LTBP1: variants seen among roughly 807,000 people sequenced by gnomAD.
LTBP1 encodes latent-transforming growth factor beta-binding protein 1.
In LTBP1, 129 loss-of-function variants were observed where a neutral mutation model predicts 207.6. The ratio of observed to expected loss-of-function variants is 0.62; its 90% CI spans 0.54 to 0.72. The LOEUF (loss-of-function observed/expected upper bound fraction) is 0.72. Among genes scored for constraint, LTBP1 ranks in the 30% least tolerant of loss-of-function variants. The pLI, the probability that LTBP1 is intolerant of heterozygous loss-of-function variation, is 0.00. For missense variants in LTBP1, 2,281 were observed against 2,217.2 expected, an observed-to-expected ratio of 1.03 and a Z score of -0.58; for synonymous variants, 963 against 833.7, an observed-to-expected ratio of 1.16 and a Z score of -2.67.
intron 2 of LTBP1, among the ~76,000 whole-genome samples, chr2:32,985,705 C>T (rs980337478): frequency 6.6e-6 from 1 of 152,140 alleles, no homozygotes. Context: ...TATTGAGTAC[C>T]TACCATGTAG....
intron 5 of LTBP1, among the ~76,000 whole-genome samples, chr2:33,181,099 C>G (rs1312413525): frequency 6.6e-6 from 1 of 152,128 alleles, no homozygotes. Context: ...TGTCTGCTGG[C>G]ACAGAAAGCC....
intron 5 of LTBP1, among the ~76,000 whole-genome samples, chr2:33,172,254 A>C (rs1227696721): frequency 6.6e-6 from 1 of 152,204 alleles, no homozygotes; most frequent in Non-Finnish European, 1.5e-5. Flanking sequence ...GTATTCAGGA[A>C]ACCCATCTCA....
rs529403226 is a variant in LTBP1, at chr2:33,368,538, T to G, written c.4711+3035T>G. On this transcript the variant is annotated intron_variant, in intron 31 of 33. Transcript: ENST00000404816. ...TGCAGGAATGGCTTAGTAAGAAAAT[T>G]TTGACAAATAAAAATACCAGGCTAA... 7.9e-5 allele frequency among the ~76,000 whole-genome samples: 12 copies of G among 152,286 alleles called. No individual in the cohort carries two copies. The South Asian group carries it at 1.9e-3, about 24-fold the overall frequency.
Position 33,001,917 on chromosome 2 carries a change from G to A in LTBP1, c.566-18992G>A, listed in dbSNP as rs1203963660. On this transcript the variant is annotated intron_variant, in intron 2 of 33. Coordinates refer to ENST00000404816, the MANE Select transcript of LTBP1 (RefSeq NM_206943.4). ...TTGTAGAAACTCCCATCTTTGTAGA[G>A]ATTTCCATCCTTTCAGTCTTAGACG... Among the ~76,000 whole-genome samples the A allele has an allele frequency of 9.6e-5, 13 of 134,908 alleles. 3 individuals are homozygous for A. Among genetic ancestry groups the A allele is most frequent in the African/African-American group, 3.4e-4 (13 of 38,626 alleles). 88.5% of individuals were successfully genotyped at this position (134,908 alleles called of 152,430 possible).
chr2:33,248,917 G>C (rs1411544811), intron 10 of LTBP1, among the ~76,000 whole-genome samples: 1 of 152,082 alleles, frequency 6.6e-6, no homozygotes, highest in Non-Finnish European at 1.5e-5. Context: ...ACATTTCCCA[G>C]AGTGCCCAGT....
At chr2:32,964,828 G>A (rs1679692792) in intron 2 of LTBP1, among the ~76,000 whole-genome samples, 1 of 151,844 alleles carries the variant, frequency 6.6e-6, no homozygotes, top group Non-Finnish European at 1.5e-5. Flanking sequence ...GGATCATGAG[G>A]TCAAGAGCTC....
chr2:33,096,760 G>A (rs1300703572), intron 3 of LTBP1, among the ~76,000 whole-genome samples: 6 of 152,170 alleles, frequency 3.9e-5, no homozygotes, highest in African/African-American at 1.4e-4. Flanking sequence ...GTGACAGAAA[G>A]TAGCTGAGCA....
chr2:33,233,638 A>G (rs1418917048), intron 9 of LTBP1, among the ~76,000 whole-genome samples: 1 of 152,026 alleles, frequency 6.6e-6, no homozygotes, highest in Non-Finnish European at 1.5e-5. Flanking sequence ...TAGCAATTTT[A>G]TGGAAATTTC....
rs960768820 is a variant in LTBP1 at position 33,199,795 on chromosome 2, A to G, written c.1701+10944A>G. Among the ~76,000 whole-genome samples, 48 of 152,098 alleles carry G rather than the reference A, an allele frequency of 3.2e-4. 1 individual carries two copies. The highest frequency in any genetic ancestry group is 1.2e-3 in the South Asian group (6 of 4,818). ...AGCAAAGTCTCAGGATACAAAATCA[A>G]TGTACAAAAATCACAAGCATTCTTA... On this transcript the variant is annotated intron_variant, in intron 7 of 33. Transcript: ENST00000404816.
At chr2:33,089,469 G>A (rs914405110) in intron 3 of LTBP1, among the ~76,000 whole-genome samples, 9 of 152,188 alleles carry the variant, frequency 5.9e-5, no homozygotes, top group African/African-American at 2.2e-4. Flanking sequence ...GGTCCTACTG[G>A]CATCTAGTGG....
chr2:33,386,435 A>T (rs568732780), intron 31 of LTBP1, among the ~76,000 whole-genome samples: 3 of 152,206 alleles, frequency 2.0e-5, no homozygotes, highest in Non-Finnish European at 4.4e-5. Flanking sequence ...TGATCATGGC[A>T]TTCGACATCC....
chr2:33,345,823 A>G (rs913630839), intron 25 of LTBP1, among the ~76,000 whole-genome samples: 1 of 152,184 alleles, frequency 6.6e-6, no homozygotes, highest in Non-Finnish European at 1.5e-5. Context: ...AAGTATGCTC[A>G]TGAAAGCTGA....
chr2:33,280,231 G>A, intron 19 of LTBP1, 73 bp downstream of exon 19: 1 of 1,385,070 alleles, frequency 7.2e-7, no homozygotes, highest in Non-Finnish European at 9.6e-7. Flanking sequence ...GTGGTGTAAT[G>A]CCAATGGAGC....
intron 5 of LTBP1, among the ~76,000 whole-genome samples, chr2:33,164,352 G>GAAAAAAAAAA (rs56916166): frequency 3.5e-5 from 1 of 28,262 alleles, no homozygotes; most frequent in East Asian, 1.0e-3. Context: ...TTCCTCTCAG[G>GAAAAAAAAAA]AAAAAAAAAA....
At chr2:33,101,052 G>T (rs949819362) in intron 3 of LTBP1, among the ~76,000 whole-genome samples, 2 of 152,188 alleles carry the variant, frequency 1.3e-5, no homozygotes, top group Non-Finnish European at 2.9e-5. Context: ...CTTAGGAGAA[G>T]AATTGCCAAA....
At chr2:33,290,880 G>A (rs1220093644) in intron 19 of LTBP1, among the ~76,000 whole-genome samples, 1 of 152,226 alleles carries the variant, frequency 6.6e-6, no homozygotes, top group Non-Finnish European at 1.5e-5. Flanking sequence ...TGCTTCTACA[G>A]TTTAGGAGAG....
intron 2 of LTBP1, among the ~76,000 whole-genome samples, chr2:32,985,169 A>G (rs1003319594): frequency 6.6e-6 from 1 of 152,214 alleles, no homozygotes; most frequent in Non-Finnish European, 1.5e-5. Flanking sequence ...CCCGGAACAC[A>G]GGAGAACACC....
At chr2:33,260,364 A>G (rs1205154533) in intron 13 of LTBP1, among the ~76,000 whole-genome samples, 1 of 152,202 alleles carries the variant, frequency 6.6e-6, no homozygotes, top group African/African-American at 2.4e-5. Flanking sequence ...ATCTCAATGC[A>G]TGTAACAGGC....
At chr2:33,394,465 T>C (rs1228048911) in intron 32 of LTBP1, among the ~76,000 whole-genome samples, 1 of 152,236 alleles carries the variant, frequency 6.6e-6, no homozygotes, top group East Asian at 1.9e-4. Flanking sequence ...CTTGAATTAA[T>C]TTTTGTATAA....
Sources: allele counts gnomAD v4.1 joint callset (sites outside exome capture counted in the v4.1 genomes callset), GRCh38; gene constraint gnomAD v4.1.1; transcripts MANE v1.5; gene names NCBI Gene and HGNC (gene_info 2026-07-23, HGNC 2026-07-21).